CYBC1: variants seen among roughly 807,000 people sequenced by gnomAD.
CYBC1 encodes the protein cytochrome b-245 chaperone 1.
In CYBC1, 22 loss-of-function variants were observed where a neutral mutation model predicts 21.7. That is an observed-to-expected ratio of 1.02 (90% CI 0.73 to 1.45). CYBC1 has a LOEUF of 1.45. Ranked by LOEUF, CYBC1 falls within the 40% of genes most tolerant of loss-of-function variation. The pLI, the probability that CYBC1 is intolerant of heterozygous loss-of-function variation, is 0.00. For missense variants in CYBC1, 237 were observed against 242.1 expected, an observed-to-expected ratio of 0.98 and a Z score of 0.14; for synonymous variants, 112 against 98.7, an observed-to-expected ratio of 1.13 and a Z score of -0.80.
At chr17:82,444,724 C>G (rs1290507905) in intron 5 of CYBC1, 133 bp from the exon 6 acceptor site, 5 of 1,221,922 alleles carry the variant, frequency 4.1e-6, no homozygotes, top group Non-Finnish European at 5.7e-6. Context: ...TGTTTCCTGC[C>G]TGAGGCTGGG....
At chr17:82,448,148 C>A in intron 2 of CYBC1, 1 of 223,432 alleles carries the variant, frequency 4.5e-6, no homozygotes, top group South Asian at 5.4e-5. Context: ...TGAGGTACAG[C>A]CAGCACCACT....
intron 5 of CYBC1, 108 bp from the exon 6 acceptor site, chr17:82,444,699 A>C: frequency 7.1e-7 from 1 of 1,410,860 alleles, no homozygotes; most frequent in Non-Finnish European, 9.6e-7. Context: ...CTTGGTTGGC[A>C]GCAAAAGCAT....
rs1371309210 is a variant in CYBC1 at position 82,444,592 on chromosome 17, C to A, written c.299-1G>T. 1 of 1,599,916 alleles carries A rather than the reference C, an allele frequency of 6.3e-7. No homozygotes were observed. The highest frequency in any genetic ancestry group is 2.2e-5 in the East Asian group (1 of 44,522). ...CGGACATCATGGAGCAGGACCACCA[C>A]TGCGGGGAGACGGTCAGTGGCCGAG... On this transcript the variant is annotated splice_acceptor_variant, in intron 5 of 6. Transcript: ENST00000306645. LOFTEE classifies it high-confidence loss of function.
At chr17:82,449,478 T>C (rs1366571800) in intron 1 of CYBC1, 186 bp from the exon 2 acceptor site, 2 of 435,370 alleles carry the variant, frequency 4.6e-6, no homozygotes, top group Non-Finnish European at 8.1e-6. Flanking sequence ...GAGACCCCGT[T>C]TCCTGTGTAA....
intron 3 of CYBC1, 185 bp downstream of exon 3, chr17:82,447,395 G>A (rs1363405299): frequency 3.1e-6 from 2 of 638,178 alleles, no homozygotes; most frequent in Non-Finnish European, 5.6e-6. Context: ...TGAGCGCTGG[G>A]CAGGATGGGC....
chr17:82,444,160 A>G, intron 6 of CYBC1, 36 bp from the exon 7 acceptor site: 1 of 1,596,770 alleles, frequency 6.3e-7, no homozygotes, highest in Non-Finnish European at 8.5e-7. Flanking sequence ...AGGTCAGGTC[A>G]CCTCGGCATA....
chr17:82,442,638 G>A lies in CYBC1; in HGVS notation c.*1366C>T, dbSNP rs1310415568. 1 of 1,512,760 alleles carries A rather than the reference G, an allele frequency of 6.6e-7. No homozygotes were observed. Among genetic ancestry groups the A allele is most frequent in the Non-Finnish European group, 9.0e-7 (1 of 1,117,056 alleles). The allele number at this position is 1,512,760 out of a possible 1,614,324, so 93.7% of individuals were successfully genotyped here. On this transcript the variant is annotated 3_prime_UTR_variant, in exon 7 of 7. Transcript: ENST00000306645. This position sits in a 1 kb window ranked among gnomAD's most constrained non-coding sequence, Gnocchi z 6.8. ...TCTTTGGAAATAAAGAGTGGAAGCT[G>A]CAGGTGACACGTGAAGGGTTATTTA...
At position 82,443,381 on chromosome 17, in the gene CYBC1, C is replaced by T; in HGVS notation, c.*623G>A. ...CTGGCATCAGCAAGGGAGGCGGGTC[C>T]TCGGGGAGGGGCAGCTTCCACAGTG... On this transcript the variant is annotated 3_prime_UTR_variant, in exon 7 of 7. Coordinates refer to ENST00000306645, the MANE Select transcript of CYBC1 (RefSeq NM_001033046.4). The surrounding 1 kb of genome is among the most constrained non-coding windows in gnomAD (Gnocchi z 6.7). 2.0e-6 allele frequency: 1 copy of T among 499,778 alleles called. No homozygotes were observed. The highest frequency in any genetic ancestry group is 3.7e-6 in the Non-Finnish European group (1 of 268,490). 31.0% of individuals were successfully genotyped at this position (499,778 alleles called of 1,614,324 possible).
At chr17:82,445,238 T>C (rs1450920550) in intron 5 of CYBC1, 1 of 154,262 alleles carries the variant, frequency 6.5e-6, no homozygotes, top group Non-Finnish European at 1.4e-5. Flanking sequence ...CCGGGGCCTC[T>C]GTCTGTCTGT....
In CYBC1 at chr17:82,449,285, G is replaced by A. The variant is rs1183494408; in HGVS notation, c.-31C>T. The A allele has an allele frequency of 1.3e-6, 2 of 1,499,524 alleles. No homozygotes were observed. Among genetic ancestry groups the A allele is most frequent in the South Asian group, 1.3e-5 (1 of 79,562 alleles). The allele number at this position is 1,499,524 out of a possible 1,614,324, so 92.9% of individuals were successfully genotyped here. Reference sequence around the variant, plus strand: ...GAGGGCAGCACCACTCTCTACAGGAGGAGGGGTCTGGGAACAGACAGAGGC... The same window carrying A: ...GAGGGCAGCACCACTCTCTACAGGAAGAGGGGTCTGGGAACAGACAGAGGC... On this transcript the variant is annotated 5_prime_UTR_variant, in exon 2 of 7. Coordinates refer to ENST00000306645, the MANE Select transcript of CYBC1 (RefSeq NM_001033046.4).
Position 82,443,397 on chromosome 17 carries a change from T to A in CYBC1, c.*607A>T. On this transcript the variant is annotated 3_prime_UTR_variant, in exon 7 of 7. Coordinates refer to ENST00000306645, the MANE Select transcript of CYBC1 (RefSeq NM_001033046.4). This position sits in a 1 kb window ranked among gnomAD's most constrained non-coding sequence, Gnocchi z 6.7. ...AGGCGGGTCCTCGGGGAGGGGCAGCTTCCACAGTGTGGCTGCAGCGTGCAC... is the reference window on the plus strand; with the variant it reads ...AGGCGGGTCCTCGGGGAGGGGCAGCATCCACAGTGTGGCTGCAGCGTGCAC... 3.7e-6 allele frequency: 2 copies of A among 533,640 alleles called. No homozygotes were observed. The highest frequency in any genetic ancestry group is 7.0e-6 in the Non-Finnish European group (2 of 287,378). 33.1% of individuals were successfully genotyped at this position (533,640 alleles called of 1,614,324 possible).
In CYBC1 at chr17:82,444,428, C is replaced by T. The variant is rs768613591; in HGVS notation, c.443+19G>A. On this transcript the variant is annotated intron_variant, in intron 6 of 6. Transcript: ENST00000306645. ...GCTACGGCTGCAGCTCCGGCCAGATCAAAGTCCCACAGCCTTACCTGCGGT... is the reference window on the plus strand; with the variant it reads ...GCTACGGCTGCAGCTCCGGCCAGATTAAAGTCCCACAGCCTTACCTGCGGT... The T allele has an allele frequency of 6.3e-7, 1 of 1,592,094 alleles. No homozygotes were observed. The highest frequency in any genetic ancestry group is 8.6e-7 in the Non-Finnish European group (1 of 1,164,898).
At chr17:82,445,743 G>A (rs1431262501) in intron 5 of CYBC1, 121 bp downstream of exon 5, 1 of 672,884 alleles carries the variant, frequency 1.5e-6, no homozygotes, top group Non-Finnish European at 2.5e-6. Flanking sequence ...TGGTCACCAA[G>A]CAGGTGAGCT....
intron 1 of CYBC1, chr17:82,450,468 C>G (rs2054525631): frequency 6.6e-6 from 1 of 152,210 alleles, no homozygotes; most frequent in South Asian, 2.1e-4. Context: ...CCGCCCGCGC[C>G]GCTAGTCGCA....
rs914327830 is a variant in CYBC1 at position 82,444,895 on chromosome 17, C to T, written c.299-304G>A. ...AGCGCGAGGCCATCTTTACACTGCA[C>T]TGTTCCTCCAGGTCTCCCCAAGGTT... On this transcript the variant is annotated intron_variant, in intron 5 of 6. Transcript: ENST00000306645. The T allele has an allele frequency of 1.3e-4, 43 of 320,048 alleles. No individual in the cohort carries two copies. The Middle Eastern group carries it at 5.9e-3, about 44-fold the overall frequency. 19.8% of individuals were successfully genotyped at this position (320,048 alleles called of 1,614,324 possible).
In CYBC1 at chr17:82,446,989, C is replaced by T. The variant is rs1256065775; in HGVS notation, c.128-293G>A. On this transcript the variant is annotated intron_variant, in intron 3 of 6. Transcript: ENST00000306645. ...AGGGTGGGAAGTACACCTCATCCCA[C>T]AGCTGGATCTTAGATCCTCAAGAGC... is the stretch of plus-strand genomic sequence containing the variant. 3 of 502,100 alleles carry T rather than the reference C, an allele frequency of 6.0e-6. No homozygotes were observed. In the East Asian group the frequency reaches 1.1e-4, roughly 18 times the overall value. 31.1% of individuals were successfully genotyped at this position (502,100 alleles called of 1,614,324 possible).
chr17:82,447,915 C>T (rs1163085855), intron 2 of CYBC1: 10 of 558,446 alleles, frequency 1.8e-5, no homozygotes, highest in Non-Finnish European at 2.9e-5. Context: ...GGCAACATAA[C>T]GAGACCTCAT....
chr17:82,443,543 G>C lies in CYBC1; in HGVS notation c.*461C>G, dbSNP rs2054090924. ...CAACATGCAGCATCAGCACCCACAA[G>C]GGCCCGGCCTGGCCCCGCCTCTCCA... On this transcript the variant is annotated 3_prime_UTR_variant, in exon 7 of 7. Coordinates refer to ENST00000306645, the MANE Select transcript of CYBC1 (RefSeq NM_001033046.4). The surrounding 1 kb of genome is among the most constrained non-coding windows in gnomAD (Gnocchi z 6.7). 2 of 701,378 alleles carry C rather than the reference G, an allele frequency of 2.9e-6. No individual in the cohort carries two copies. Among genetic ancestry groups the C allele is most frequent in the South Asian group, 3.0e-5 (2 of 66,776 alleles). 43.4% of individuals were successfully genotyped at this position (701,378 alleles called of 1,614,324 possible).
intron 5 of CYBC1, chr17:82,444,999 A>T (rs2054193953): frequency 1.2e-5 from 2 of 170,558 alleles, no homozygotes; most frequent in Admixed American, 1.2e-4. Context: ...GGGCGGTCCC[A>T]ATGGCTGTCA....
Sources: allele counts gnomAD v4.1 joint callset, GRCh38; gene constraint gnomAD v4.1.1; non-coding constraint Gnocchi (gnomAD v3.1); transcripts MANE v1.5; gene names NCBI Gene and HGNC (gene_info 2026-07-23, HGNC 2026-07-21).